TRPC4: variants seen among roughly 807,000 people sequenced by gnomAD.
The protein encoded by TRPC4 is transient receptor potential cation channel subfamily C member 4.
TRPC4 carries 49 observed loss-of-function variants against 99.4 expected under a neutral mutation model. That is an observed-to-expected ratio of 0.49 (90% CI 0.39 to 0.63). The LOEUF (loss-of-function observed/expected upper bound fraction) is 0.63, where lower values mean the gene tolerates loss of function less well. Among genes scored for constraint, TRPC4 ranks in the 20% least tolerant of loss-of-function variants. The pLI is 0.00. For missense variants in TRPC4, 898 were observed against 1,152.9 expected, an observed-to-expected ratio of 0.78 and a Z score of 3.20; for synonymous variants, 454 against 425.9, an observed-to-expected ratio of 1.07 and a Z score of -0.81.
chr13:37,745,480 A>G (rs1490263829), intron 3 of TRPC4, among the ~76,000 whole-genome samples: 1 of 43,066 alleles, frequency 2.3e-5, no homozygotes, highest in East Asian at 3.1e-4. Flanking sequence ...ATATACACAC[A>G]CACACACACT....
At chr13:37,863,763 G>A (rs1959554789) in intron 1 of TRPC4, among the ~76,000 whole-genome samples, 1 of 151,612 alleles carries the variant, frequency 6.6e-6, no homozygotes, top group Non-Finnish European at 1.5e-5. Context: ...TGTTTTTGGA[G>A]ATTCATATTG....
At chr13:37,827,139 C>T (rs1178708353) in intron 1 of TRPC4, among the ~76,000 whole-genome samples, 1 of 152,090 alleles carries the variant, frequency 6.6e-6, no homozygotes, top group Non-Finnish European at 1.5e-5. Context: ...CCTTTAAACA[C>T]TTCTCTGTAT....
intron 1 of TRPC4, among the ~76,000 whole-genome samples, chr13:37,867,486 G>T (rs1019254157): frequency 9.1e-5 from 8 of 88,356 alleles, no homozygotes; most frequent in Admixed American, 2.7e-4. Context: ...TAAAATCAGT[G>T]CATCTTAAAG....
intron 1 of TRPC4, among the ~76,000 whole-genome samples, chr13:37,827,174 C>G (rs1217972415): frequency 6.6e-6 from 1 of 152,024 alleles, no homozygotes; most frequent in Non-Finnish European, 1.5e-5. Flanking sequence ...ATACATTCTT[C>G]TAATTTTTTT....
intron 4 of TRPC4, among the ~76,000 whole-genome samples, chr13:37,677,019 A>G (rs1421676581): frequency 6.6e-6 from 1 of 151,940 alleles, no homozygotes; most frequent in Non-Finnish European, 1.5e-5. Context: ...AAACTGTAGC[A>G]ATATATTGTA....
intron 3 of TRPC4, among the ~76,000 whole-genome samples, chr13:37,709,546 C>T (rs537139723): frequency 2.9e-4 from 44 of 151,974 alleles, no homozygotes; most frequent in African/African-American, 1.0e-3. Context: ...CTCCTTCATG[C>T]ACACATTCAA....
chr13:37,840,495 C>T (rs564255089), intron 1 of TRPC4, among the ~76,000 whole-genome samples: 7 of 152,076 alleles, frequency 4.6e-5, no homozygotes, highest in South Asian at 4.2e-4. Flanking sequence ...CTTATACCAT[C>T]CCTTCTCATC....
chr13:37,717,286 C>G (rs1207091850), intron 3 of TRPC4, among the ~76,000 whole-genome samples: 1 of 152,088 alleles, frequency 6.6e-6, no homozygotes, highest in Non-Finnish European at 1.5e-5. Flanking sequence ...GAATAGAGGA[C>G]TATTTCTACA....
chr13:37,748,776 AT>A (rs1011984643), intron 2 of TRPC4, among the ~76,000 whole-genome samples: 1 of 151,422 alleles, frequency 6.6e-6, no homozygotes, highest in South Asian at 2.1e-4. Context: ...AATAGCATAC[AT>A]TTTTTTCAAA....
intron 1 of TRPC4, among the ~76,000 whole-genome samples, chr13:37,821,426 T>C (rs1481085326): frequency 6.6e-6 from 1 of 152,016 alleles, no homozygotes; most frequent in Non-Finnish European, 1.5e-5. Flanking sequence ...TCCTATCAAA[T>C]TACCAATGAC....
intron 1 of TRPC4, among the ~76,000 whole-genome samples, chr13:37,858,566 C>T (rs1959193290): frequency 6.6e-6 from 1 of 151,470 alleles, no homozygotes; most frequent in African/African-American, 2.4e-5. Context: ...AAATGTGGTA[C>T]ATATAAACAA....
intron 1 of TRPC4, among the ~76,000 whole-genome samples, chr13:37,794,378 A>T (rs1957197989): frequency 6.6e-6 from 1 of 152,176 alleles, no homozygotes; most frequent in African/African-American, 2.4e-5. Flanking sequence ...TCGAAAGCTA[A>T]CATCAAGACT....
chr13:37,700,714 C>G (rs1478228877), intron 3 of TRPC4, among the ~76,000 whole-genome samples: 1 of 152,108 alleles, frequency 6.6e-6, no homozygotes, highest in African/African-American at 2.4e-5. Flanking sequence ...GTTGATATCA[C>G]AGAATGGAGT....
chr13:37,787,002 G>GT (rs1391904529), intron 1 of TRPC4, among the ~76,000 whole-genome samples: 1 of 151,948 alleles, frequency 6.6e-6, no homozygotes, highest in African/African-American at 2.4e-5. Flanking sequence ...GAAAACTACA[G>GT]TTTTCTAAGC....
At chr13:37,690,679 C>A (rs1431114372) in intron 4 of TRPC4, among the ~76,000 whole-genome samples, 1 of 152,178 alleles carries the variant, frequency 6.6e-6, no homozygotes, top group Non-Finnish European at 1.5e-5. Context: ...TTAAAGTTCA[C>A]CTGAGGATTT....
At chr13:37,689,232 C>G (rs1953599171) in intron 4 of TRPC4, among the ~76,000 whole-genome samples, 1 of 152,120 alleles carries the variant, frequency 6.6e-6, no homozygotes, top group Non-Finnish European at 1.5e-5. Context: ...ACTGAAAATC[C>G]TGAGAGCTTG....
At chr13:37,749,874 C>T (rs1955884883) in intron 2 of TRPC4, among the ~76,000 whole-genome samples, 1 of 151,998 alleles carries the variant, frequency 6.6e-6, no homozygotes, top group Admixed American at 6.6e-5. Flanking sequence ...TAGTAAAATG[C>T]ATAAATATTA....
chr13:37,859,879 T>G (rs920856637), intron 1 of TRPC4, among the ~76,000 whole-genome samples: 2 of 150,728 alleles, frequency 1.3e-5, no homozygotes, highest in Admixed American at 6.6e-5. Flanking sequence ...TCTGAAAAAA[T>G]AAAAAATCAT....
At chr13:37,815,271 A>G (rs930612679) in intron 1 of TRPC4, among the ~76,000 whole-genome samples, 2 of 151,860 alleles carry the variant, frequency 1.3e-5, no homozygotes, top group Non-Finnish European at 2.9e-5. Context: ...ACATATCAAT[A>G]TTAACCTTGA....
Sources: allele counts gnomAD v4.1 joint callset (sites outside exome capture counted in the v4.1 genomes callset), GRCh38; gene constraint gnomAD v4.1.1; transcripts MANE v1.5; gene names NCBI Gene and HGNC (gene_info 2026-07-23, HGNC 2026-07-21).